Variants in MGMT observed in about 807,000 individuals in gnomAD.
MGMT encodes the protein O-6-methylguanine-DNA methyltransferase, also known as methylated-DNA--protein-cysteine methyltransferase.
MGMT carries 14 observed loss-of-function variants against 15.9 expected under a neutral mutation model. The ratio of observed to expected loss-of-function variants is 0.88; its 90% CI spans 0.58 to 1.37. The LOEUF (loss-of-function observed/expected upper bound fraction) is 1.37. Ranked by LOEUF, MGMT falls within the 40% of genes most tolerant of loss-of-function variation. MGMT has a pLI of 0.00. For missense variants in MGMT, 282 were observed against 268.1 expected, an observed-to-expected ratio of 1.05 and a Z score of -0.36; for synonymous variants, 130 against 118.2, an observed-to-expected ratio of 1.10 and a Z score of -0.65.
At chr10:129,482,791 AT>A (rs1845371887) in intron 1 of MGMT, among the ~76,000 whole-genome samples, 1 of 152,084 alleles carries the variant, frequency 6.6e-6, no homozygotes, top group African/African-American at 2.4e-5. Flanking sequence ...ATTACATTTA[AT>A]GTGTGTTTCT....
intron 2 of MGMT, among the ~76,000 whole-genome samples, chr10:129,543,595 C>T (rs1380016598): frequency 6.6e-6 from 1 of 152,062 alleles, no homozygotes; most frequent in Non-Finnish European, 1.5e-5. Context: ...CTTTGCTGAC[C>T]TGGGGGCAGA....
At chr10:129,546,418 A>G (rs1846098745) in intron 2 of MGMT, among the ~76,000 whole-genome samples, 1 of 152,200 alleles carries the variant, frequency 6.6e-6, no homozygotes, top group Non-Finnish European at 1.5e-5. Context: ...ATGTAGGGGC[A>G]TGGAGGGGTA....
intron 2 of MGMT, among the ~76,000 whole-genome samples, chr10:129,597,477 T>TA (rs143762856): frequency 0.032 from 4,882 of 150,844 alleles, 128 homozygotes; most frequent in South Asian, 0.066. Flanking sequence ...TCCAGAAAAA[T>TA]AAAAAAACAA....
intron 2 of MGMT, among the ~76,000 whole-genome samples, chr10:129,589,887 GA>G (rs1480386248): frequency 6.6e-6 from 1 of 152,262 alleles, no homozygotes; most frequent in Admixed American, 6.5e-5. Context: ...GGGTCCAGAA[GA>G]CAGAGGCAGA....
intron 2 of MGMT, among the ~76,000 whole-genome samples, chr10:129,552,794 C>T (rs886456245): frequency 5.9e-5 from 9 of 152,346 alleles, no homozygotes; most frequent in Admixed American, 3.9e-4. Flanking sequence ...GTCAAGGGCA[C>T]GGAAGTGCAA....
In MGMT at chr10:129,680,903, T is replaced by C. The variant is rs137995595; in HGVS notation, c.126-26992T>C. 1.2e-3 allele frequency among the ~76,000 whole-genome samples: 180 copies of C among 152,314 alleles called. 2 individuals carry two copies. In the East Asian group the frequency reaches 0.022, roughly 18 times the overall value. On this transcript the variant is annotated intron_variant, in intron 2 of 4. Coordinates refer to ENST00000651593, the MANE Select transcript of MGMT (RefSeq NM_002412.5). ...GGGCACGCTGTGTGGACGCTGCCTG[T>C]GCGTGCTTCCTGAGCGACCCCATCA...
At chr10:129,534,229 G>T (rs887885269) in intron 1 of MGMT, among the ~76,000 whole-genome samples, 1 of 152,156 alleles carries the variant, frequency 6.6e-6, no homozygotes, top group Non-Finnish European at 1.5e-5. Flanking sequence ...GTGGAAGGCA[G>T]GTGGCTCCTT....
At chr10:129,741,080 C>G (rs1848626518) in intron 3 of MGMT, among the ~76,000 whole-genome samples, 1 of 152,140 alleles carries the variant, frequency 6.6e-6, no homozygotes, top group South Asian at 2.1e-4. Context: ...TACCAAGGAC[C>G]ATGGCGGGCA....
At chr10:129,588,453 A>T (rs1020276809) in intron 2 of MGMT, among the ~76,000 whole-genome samples, 9 of 152,166 alleles carry the variant, frequency 5.9e-5, no homozygotes, top group African/African-American at 2.2e-4. Flanking sequence ...TTTTTATTAT[A>T]TGTGGAAGTC....
At chr10:129,638,513 A>G (rs1457596251) in intron 2 of MGMT, among the ~76,000 whole-genome samples, 1 of 151,772 alleles carries the variant, frequency 6.6e-6, no homozygotes, top group Non-Finnish European at 1.5e-5. Context: ...ATAGAGAGAA[A>G]AATCTAAAAC....
chr10:129,633,531 T>C (rs556139610), intron 2 of MGMT, among the ~76,000 whole-genome samples: 34 of 152,356 alleles, frequency 2.2e-4, no homozygotes, highest in African/African-American at 7.7e-4. Flanking sequence ...TTCAAATTTT[T>C]TATAGTATAG....
chr10:129,589,902 C>T (rs1003008510), intron 2 of MGMT, among the ~76,000 whole-genome samples: 3 of 152,202 alleles, frequency 2.0e-5, no homozygotes, highest in Admixed American at 6.5e-5. Context: ...AGGCAGAGGA[C>T]GTGGGATCTG....
chr10:129,555,087 G>T (rs1846198172), intron 2 of MGMT, among the ~76,000 whole-genome samples: 1 of 152,356 alleles, frequency 6.6e-6, no homozygotes, highest in African/African-American at 2.4e-5. Flanking sequence ...TGCTGCCGTT[G>T]ATGAGGATGA....
chr10:129,527,299 G>GCC (rs141188743), intron 1 of MGMT, among the ~76,000 whole-genome samples: 7 of 151,916 alleles, frequency 4.6e-5, no homozygotes, highest in African/African-American at 1.5e-4. Flanking sequence ...AGCTTTTGGA[G>GCC]CCCCCCTTAG....
At chr10:129,672,512 G>T (rs1021123871) in intron 2 of MGMT, among the ~76,000 whole-genome samples, 1 of 152,038 alleles carries the variant, frequency 6.6e-6, no homozygotes, top group Non-Finnish European at 1.5e-5. Flanking sequence ...TAAATCTCTT[G>T]TTCTCCGTTA....
At chr10:129,613,178 A>C (rs1353394408) in intron 2 of MGMT, among the ~76,000 whole-genome samples, 3 of 152,202 alleles carry the variant, frequency 2.0e-5, no homozygotes, top group Non-Finnish European at 2.9e-5. Context: ...TACAAGTAGA[A>C]TCTTCTTTAG....
At chr10:129,716,774 A>G (rs1017889141) in intron 3 of MGMT, among the ~76,000 whole-genome samples, 6 of 152,208 alleles carry the variant, frequency 3.9e-5, no homozygotes, top group African/African-American at 1.4e-4. Flanking sequence ...TTTATGACAA[A>G]TGTAAAACAG....
chr10:129,556,020 C>T lies in MGMT; in HGVS notation c.125+19643C>T, dbSNP rs937395310. ...CTGTCGAGGGGCTCTTCTGCCTCTT[C>T]AGAAACCATCATCAGCTGTGAAATG... is the stretch of plus-strand genomic sequence containing the variant. On this transcript the variant is annotated intron_variant, in intron 2 of 4. Transcript: ENST00000651593. The surrounding 1 kb of genome is among the most constrained non-coding windows in gnomAD (Gnocchi z 4.3). 1.4e-4 allele frequency among the ~76,000 whole-genome samples: 21 copies of T among 152,172 alleles called. No individual in the cohort carries two copies. The highest frequency in any genetic ancestry group is 3.9e-4 in the African/African-American group (16 of 41,442).
At chr10:129,580,224 C>T (rs993466223) in intron 2 of MGMT, among the ~76,000 whole-genome samples, 3 of 152,084 alleles carry the variant, frequency 2.0e-5, no homozygotes, top group African/African-American at 4.8e-5. Flanking sequence ...CCCGGGGGGG[C>T]GGGACTGCGC....
Sources: allele counts gnomAD v4.1 joint callset (sites outside exome capture counted in the v4.1 genomes callset), GRCh38; gene constraint gnomAD v4.1.1; non-coding constraint Gnocchi (gnomAD v3.1); transcripts MANE v1.5; gene names NCBI Gene and HGNC (gene_info 2026-07-23, HGNC 2026-07-21).